TMEM67: variants seen among roughly 807,000 people sequenced by gnomAD.
TMEM67 encodes transmembrane protein 67.
TMEM67 carries 124 observed loss-of-function variants against 136.6 expected under a neutral mutation model. The observed-to-expected ratio is 0.91, with a 90% CI of 0.78 to 1.05. The LOEUF (loss-of-function observed/expected upper bound fraction) is 1.05, where lower values mean the gene tolerates loss of function less well. TMEM67 is among the 50% of genes least tolerant of loss of function. TMEM67 has a pLI of 0.00. For synonymous variants in TMEM67, 364 were observed against 390.5 expected, an observed-to-expected ratio of 0.93 and a Z score of 0.80; for missense variants, 1,107 against 1,178.4, an observed-to-expected ratio of 0.94 and a Z score of 0.89.
chr8:93,813,398 C>T (rs1204073462), intron 26 of TMEM67, among the ~76,000 whole-genome samples: 4 of 151,898 alleles, frequency 2.6e-5, no homozygotes, highest in Non-Finnish European at 5.9e-5. Context: ...AGGCTGGCCT[C>T]GAACTCCTGA....
At chr8:93,760,976 G>C (rs1234892135) in intron 3 of TMEM67, among the ~76,000 whole-genome samples, 1 of 152,104 alleles carries the variant, frequency 6.6e-6, no homozygotes, top group Non-Finnish European at 1.5e-5. Flanking sequence ...GTACGTTAAA[G>C]CTAAAATGAG....
intron 21 of TMEM67, among the ~76,000 whole-genome samples, chr8:93,802,272 A>G (rs1814901496): frequency 6.6e-6 from 1 of 152,204 alleles, no homozygotes; most frequent in East Asian, 1.9e-4. Context: ...AGGGAATTGA[A>G]GTAGGTAAGC....
At position 93,755,088 on chromosome 8, in the gene TMEM67, C is replaced by T. The variant is rs151047825; in HGVS notation, c.174C>T (p.Ser58=). The T allele has an allele frequency of 5.6e-6, 9 of 1,614,068 alleles. No homozygotes were observed. The African/African-American group carries it at 8.0e-5, about 14-fold the overall frequency. ...KCDNNQYFDI[S]ALSCVPCGAN... is the part of the protein sequence containing the mutation. ...ACAACAACCAGTACTTTGATATCTC[C>T]GCCCTCTCGTGTGTTCCTTGTGGAG... Residue 58 remains serine (S), a synonymous_variant, in exon 1 of 28, where the codon TCC becomes TCT. Coordinates refer to ENST00000453321, the MANE Select transcript of TMEM67 (RefSeq NM_153704.6).
intron 6 of TMEM67, among the ~76,000 whole-genome samples, chr8:93,767,936 G>A (rs976451485): frequency 6.9e-6 from 1 of 144,214 alleles, no homozygotes; most frequent in East Asian, 2.0e-4. Flanking sequence ...CGCAATCTTA[G>A]CTCACCGCAA....
the TMEM67 span, among the ~76,000 whole-genome samples, chr8:93,824,281 G>C: frequency 6.6e-6 from 1 of 152,154 alleles, no homozygotes; most frequent in African/African-American, 2.4e-5. Context: ...GATCTTAGAT[G>C]GCTTTCCATA....
chr8:93,764,584 T>G (rs544323346), intron 4 of TMEM67, among the ~76,000 whole-genome samples: 435 of 152,256 alleles, frequency 2.9e-3, no homozygotes, highest in Middle Eastern at 6.8e-3. Context: ...TTCAGCATCT[T>G]TAATTTATTA....
chr8:93,820,535 T>G (rs754677699), downstream of TMEM67, among the ~76,000 whole-genome samples: 6 of 152,196 alleles, frequency 3.9e-5, no homozygotes, highest in South Asian at 2.1e-4. Flanking sequence ...GCACAGACCC[T>G]GGAGCCAGAT....
At chr8:93,819,364 A>G (rs1275932991), downstream of TMEM67, 3 of 350,548 alleles carry the variant, frequency 8.6e-6, no homozygotes, top group Non-Finnish European at 1.6e-5. Context: ...AAAAGAAGAC[A>G]ACACCCCTGT....
intron 3 of TMEM67, among the ~76,000 whole-genome samples, chr8:93,761,131 C>T (rs1414894434): frequency 2.0e-5 from 3 of 151,854 alleles, no homozygotes; most frequent in Non-Finnish European, 4.4e-5. Context: ...CGAATGTAGT[C>T]GCTATTAAAA....
the TMEM67 span, among the ~76,000 whole-genome samples, chr8:93,830,255 T>A: frequency 6.6e-6 from 1 of 152,174 alleles, no homozygotes; most frequent in African/African-American, 2.4e-5. Flanking sequence ...GTGGAGTGCC[T>A]GTGGAAGCCC....
downstream of TMEM67, among the ~76,000 whole-genome samples, chr8:93,822,634 C>G (rs1268985256): frequency 2.6e-5 from 4 of 152,170 alleles, no homozygotes; most frequent in Non-Finnish European, 5.9e-5. Context: ...CACTCTTTGT[C>G]CCCCTCCTAA....
At chr8:93,800,764 T>C (rs111971304) in intron 21 of TMEM67, among the ~76,000 whole-genome samples, 1,980 of 152,284 alleles carry the variant, frequency 0.013, 22 homozygotes, top group Middle Eastern at 0.044. Context: ...CTCAGCTTTA[T>C]AGTAATAGGA....
Position 93,804,752 on chromosome 8 carries a change from C to T in TMEM67, c.2323-10C>T, listed in dbSNP as rs781307279. The T allele has an allele frequency of 2.0e-6, 3 of 1,499,994 alleles. No homozygotes were observed. Among genetic ancestry groups the T allele is most frequent in the Non-Finnish European group, 2.8e-6 (3 of 1,078,106 alleles). The allele number at this position is 1,499,994 out of a possible 1,614,324, so 92.9% of individuals were successfully genotyped here. On this transcript the variant is annotated splice_polypyrimidine_tract_variant and intron_variant, in intron 22 of 27. Coordinates refer to ENST00000453321, the MANE Select transcript of TMEM67 (RefSeq NM_153704.6). ...GTTGCTATTTGCTTCTTTTTATTCT[C>T]TTTTTATAGATATCAGTGTTTCTGT...
intron 7 of TMEM67, among the ~76,000 whole-genome samples, chr8:93,774,482 G>A (rs1813454815): frequency 6.6e-6 from 1 of 152,162 alleles, no homozygotes; most frequent in South Asian, 2.1e-4. Context: ...ATTTACATTA[G>A]GTATTTATCC....
intron 7 of TMEM67, among the ~76,000 whole-genome samples, chr8:93,773,499 G>A (rs1309310466): frequency 6.6e-6 from 1 of 152,098 alleles, no homozygotes; most frequent in Non-Finnish European, 1.5e-5. Context: ...GAGAGATAGT[G>A]GACCATTGCA....
chr8:93,805,724 T>C (rs150260894), intron 23 of TMEM67, among the ~76,000 whole-genome samples: 1 of 152,322 alleles, frequency 6.6e-6, no homozygotes, highest in African/African-American at 2.4e-5. Flanking sequence ...GGAAAGTTCC[T>C]CCTTATAGAA....
rs769306844 is a variant in TMEM67, at chr8:93,799,663, C to T, written c.2146C>T (p.Leu716Phe). 1.2e-6 allele frequency: 2 copies of T among 1,613,500 alleles called. No individual in the cohort carries two copies. The highest frequency in any genetic ancestry group is 1.7e-6 in the Non-Finnish European group (2 of 1,179,558). The change falls in exon 21 of 28, where the codon CTT becomes TTT. Residue 716 changes from leucine to phenylalanine, a missense_variant. By Grantham distance (22) the Leu-to-Phe change is conservative. Coordinates refer to ENST00000453321, the MANE Select transcript of TMEM67 (RefSeq NM_153704.6). ...AGCATTAATGGACTCATCTTCTAGT[C>T]TTTCTAGAAACCCACCTAGCTACAT... The part of the protein sequence containing the change: ...NLALMDSSSS[L>F]SRNPPSYIAP...
intron 4 of TMEM67, among the ~76,000 whole-genome samples, chr8:93,764,324 T>C (rs887266068): frequency 1.3e-5 from 2 of 152,332 alleles, no homozygotes; most frequent in African/African-American, 4.8e-5. Context: ...TGTTTGTTGT[T>C]ACATAATTTG....
At chr8:93,779,597 T>G (rs1211325473) in intron 7 of TMEM67, among the ~76,000 whole-genome samples, 1 of 152,198 alleles carries the variant, frequency 6.6e-6, no homozygotes, top group Non-Finnish European at 1.5e-5. Context: ...TGCTATTCCT[T>G]TCTATTTGTT....
Sources: allele counts gnomAD v4.1 joint callset (sites outside exome capture counted in the v4.1 genomes callset), GRCh38; gene constraint gnomAD v4.1.1; transcripts MANE v1.5; gene names NCBI Gene and HGNC (gene_info 2026-07-23, HGNC 2026-07-21).